The following PCDHGB4 variants were observed in gnomAD, a reference collection of about 807,000 sequenced individuals.
The protein encoded by PCDHGB4 is protocadherin gamma-B4.
Under a neutral mutation model 60.5 loss-of-function variants are expected in PCDHGB4, and 38 were observed. The ratio of observed to expected loss-of-function variants is 0.63; its 90% CI spans 0.48 to 0.82. The LOEUF is 0.82. PCDHGB4 is among the 40% of genes least tolerant of loss of function. PCDHGB4 has a pLI of 0.00. For synonymous variants in PCDHGB4, 456 were observed against 509.7 expected (o/e 0.89, Z 1.42); for missense variants, 1,109 against 1,209.6 (o/e 0.92, Z 1.23).
chr5:141,487,068 T>C lies in PCDHGB4; in HGVS notation c.2398-7739T>C. ...TATGCTGGGGAGGTGCGGACGGCTG[T>C]TCCTATCCCAGCTGACCTCCCACCA... On this transcript the variant is annotated intron_variant, in intron 1 of 3. Transcript: ENST00000519479. The surrounding 1 kb of genome is among the most constrained non-coding windows in gnomAD (Gnocchi z 5.0). The C allele has an allele frequency of 6.2e-7, 1 of 1,614,166 alleles. No individual in the cohort carries two copies. The highest frequency in any genetic ancestry group is 8.5e-7 in the Non-Finnish European group (1 of 1,180,016).
chr5:141,472,998 G>GAA (rs2099311030), intron 1 of PCDHGB4, among the ~76,000 whole-genome samples: 1 of 134,744 alleles, frequency 7.4e-6, no homozygotes, highest in Non-Finnish European at 1.6e-5. Flanking sequence ...AAAAAAAAAA[G>GAA]AAAGAAAAAG....
chr5:141,496,621 CA>C (rs2099769988), intron 2 of PCDHGB4, among the ~76,000 whole-genome samples: 1 of 152,332 alleles, frequency 6.6e-6, no homozygotes, highest in Non-Finnish European at 1.5e-5. Flanking sequence ...AGCAGCAGAT[CA>C]AAAGGCTTGG....
In PCDHGB4 at chr5:141,477,625, C is replaced by T; in HGVS notation, c.2398-17182C>T. ...TTCTCTTGGAGCAAGGAGCTGAAACCGGGCTAGTGGGTCGCTATTTCACAA... is the reference window on the plus strand; with the variant it reads ...TTCTCTTGGAGCAAGGAGCTGAAACTGGGCTAGTGGGTCGCTATTTCACAA... On this transcript the variant is annotated intron_variant, in intron 1 of 3. Coordinates refer to ENST00000519479, the MANE Select transcript of PCDHGB4 (RefSeq NM_003736.4). This position sits in a 1 kb window ranked among gnomAD's most constrained non-coding sequence, Gnocchi z 4.9. The T allele has an allele frequency of 1.2e-6, 2 of 1,614,200 alleles. No homozygotes were observed. Among genetic ancestry groups the T allele is most frequent in the Non-Finnish European group, 1.7e-6 (2 of 1,180,046 alleles).
At position 141,432,207 on chromosome 5, in the gene PCDHGB4, A is replaced by G. The variant is rs1181424938; in HGVS notation, c.2397+41926A>G. 3 of 1,614,176 alleles carry G rather than the reference A, an allele frequency of 1.9e-6. No homozygotes were observed. The highest frequency in any genetic ancestry group is 2.5e-6 in the Non-Finnish European group (3 of 1,180,026). ...ACCGCCCACGACCCCGACTGTGAAG[A>G]GAACGCCCAGATCACTTATTCCCTG... On this transcript the variant is annotated intron_variant, in intron 1 of 3. Transcript: ENST00000519479. The surrounding 1 kb of genome is among the most constrained non-coding windows in gnomAD (Gnocchi z 6.0).
Position 141,487,424 on chromosome 5 carries a change from C to T in PCDHGB4, c.2398-7383C>T, listed in dbSNP as rs759893122. 5 of 1,613,982 alleles carry T rather than the reference C, an allele frequency of 3.1e-6. No individual in the cohort carries two copies. The highest frequency in any genetic ancestry group is 1.7e-5 in the Admixed American group (1 of 60,000). On this transcript the variant is annotated intron_variant, in intron 1 of 3. Transcript: ENST00000519479. The surrounding 1 kb of genome is among the most constrained non-coding windows in gnomAD (Gnocchi z 5.0). ...GCTTCCCCCTTCCAATGGGATCCTC[C>T]GAATCCAGCTAGGGTCAGATGACCC...
chr5:141,395,218 A>G, intron 1 of PCDHGB4: 2 of 1,612,142 alleles, frequency 1.2e-6, no homozygotes, highest in Non-Finnish European at 1.7e-6. Flanking sequence ...GAATATAAGA[A>G]TGAAGCTGAT....
chr5:141,490,045 C>T lies in PCDHGB4; in HGVS notation c.2398-4762C>T, dbSNP rs530803072. On this transcript the variant is annotated intron_variant, in intron 1 of 3. Transcript: ENST00000519479. The surrounding 1 kb of genome is among the most constrained non-coding windows in gnomAD (Gnocchi z 5.4). ...GCTGCTCCGCCTCAATGCCACTGAT[C>T]CAGACGAGGGCACCAACGGCCAACT... 1.2e-5 allele frequency: 19 copies of T among 1,614,114 alleles called. No individual in the cohort carries two copies. Among genetic ancestry groups the T allele is most frequent in the Admixed American group, 1.2e-4 (7 of 60,014 alleles).
At chr5:141,445,855 T>C (rs1432695384) in intron 1 of PCDHGB4, among the ~76,000 whole-genome samples, 1 of 152,222 alleles carries the variant, frequency 6.6e-6, no homozygotes, top group Non-Finnish European at 1.5e-5. Flanking sequence ...CTTAAAATTC[T>C]GGATTTTGTT....
intron 1 of PCDHGB4, chr5:141,419,783 C>A: frequency 1.2e-6 from 2 of 1,614,070 alleles, no homozygotes; most frequent in Non-Finnish European, 1.7e-6. Context: ...CCGCCAGCGC[C>A]TGCTAGTCGC....
Position 141,389,355 on chromosome 5 carries a change from G to A in PCDHGB4, c.1471G>A (p.Ala491Thr). 3 of 1,613,950 alleles carry A rather than the reference G, an allele frequency of 1.9e-6. No homozygotes were observed. The highest frequency in any genetic ancestry group is 1.7e-6 in the Non-Finnish European group (2 of 1,179,910). The change falls in exon 1 of 4, where the codon GCC becomes ACC. Residue 491 changes from alanine (A) to threonine (T), a missense_variant. By Grantham distance (58) the Ala-to-Thr change is moderately conservative. Transcript: ENST00000519479. ...CGGCCAAGTCTCTTACTGCATCATG[G>A]CCAGTGACCTGGAGCAGCGGGAGCT... ...PNGQVSYCIM[A>T]SDLEQRELSS... is the part of the protein sequence containing the mutation.
intron 2 of PCDHGB4, among the ~76,000 whole-genome samples, chr5:141,495,119 C>T (rs1024197360): frequency 3.9e-5 from 6 of 152,182 alleles, no homozygotes; most frequent in African/African-American, 1.4e-4. Context: ...CTTTTCCTAT[C>T]CCCTGAGGGC....
Position 141,478,335 on chromosome 5 carries a change from C to T in PCDHGB4, c.2398-16472C>T, listed in dbSNP as rs202213361. On this transcript the variant is annotated intron_variant, in intron 1 of 3. Coordinates refer to ENST00000519479, the MANE Select transcript of PCDHGB4 (RefSeq NM_003736.4). ...AGCTCACTGTACCGAACACCAGGGC[C>T]CTCCTTGCACGCGGACGCCGTGCGG... 4.7e-5 allele frequency: 76 copies of T among 1,613,822 alleles called. No individual in the cohort carries two copies. The highest frequency in any genetic ancestry group is 6.1e-5 in the Non-Finnish European group (72 of 1,180,028).
In PCDHGB4 at chr5:141,491,961, G is replaced by A. The variant is rs891299192; in HGVS notation, c.2398-2846G>A. 3 of 970,010 alleles carry A rather than the reference G, an allele frequency of 3.1e-6. No individual in the cohort carries two copies. The highest frequency in any genetic ancestry group is 4.3e-6 in the Non-Finnish European group (3 of 693,098). 60.1% of individuals were successfully genotyped at this position (970,010 alleles called of 1,614,324 possible). On this transcript the variant is annotated intron_variant, in intron 1 of 3. Transcript: ENST00000519479. This position sits in a 1 kb window ranked among gnomAD's most constrained non-coding sequence, Gnocchi z 6.9. ...GACCCCCACCCCTACACTCAAAAAAGGCCGGGGCCTCCTTCGAGCTTCCGG... is the reference window on the plus strand; with the variant it reads ...GACCCCCACCCCTACACTCAAAAAAAGCCGGGGCCTCCTTCGAGCTTCCGG...
intron 1 of PCDHGB4, among the ~76,000 whole-genome samples, chr5:141,479,041 C>T (rs1346986831): frequency 1.2e-4 from 18 of 152,100 alleles, no homozygotes; most frequent in Admixed American, 1.2e-3. Flanking sequence ...AGATCGTGTA[C>T]CTCATTCTCA....
rs372676262 is a variant in PCDHGB4 at position 141,404,832 on chromosome 5, G to A, written c.2397+14551G>A. On this transcript the variant is annotated intron_variant, in intron 1 of 3. Coordinates refer to ENST00000519479, the MANE Select transcript of PCDHGB4 (RefSeq NM_003736.4). ...GTGGGGCTGCACACAGGTGAAGTGCGCACAGCTCGGGCCCTGCTAGATAGA... is the reference window on the plus strand; with the variant it reads ...GTGGGGCTGCACACAGGTGAAGTGCACACAGCTCGGGCCCTGCTAGATAGA... 34 of 1,613,864 alleles carry A rather than the reference G, an allele frequency of 2.1e-5. No individual in the cohort carries two copies. Among genetic ancestry groups the A allele is most frequent in the Middle Eastern group, 1.6e-4 (1 of 6,062 alleles).
chr5:141,414,578 A>G, intron 1 of PCDHGB4: 1 of 1,613,960 alleles, frequency 6.2e-7, no homozygotes, highest in Non-Finnish European at 8.5e-7. Context: ...ATCCCAGAGA[A>G]CAACGCCAGG....
At chr5:141,418,147 C>T (rs781655205) in intron 1 of PCDHGB4, 3 of 1,614,040 alleles carry the variant, frequency 1.9e-6, no homozygotes, top group Admixed American at 3.3e-5. Flanking sequence ...AGCAAATATG[C>T]AAAGAGAGAA....
At chr5:141,502,767 C>T (rs970206343) in intron 2 of PCDHGB4, among the ~76,000 whole-genome samples, 1 of 151,756 alleles carries the variant, frequency 6.6e-6, no homozygotes, top group East Asian at 1.9e-4. Flanking sequence ...TGCTGGTATT[C>T]TTCTGAAAAT....
At chr5:141,407,415 A>C (rs1561707597) in intron 1 of PCDHGB4, among the ~76,000 whole-genome samples, 1 of 152,228 alleles carries the variant, frequency 6.6e-6, no homozygotes, top group Non-Finnish European at 1.5e-5. Flanking sequence ...TCGATACCAC[A>C]AAAATGTCTC....
Sources: gnomAD v4.1 joint callset for allele counts (sites outside exome capture counted in the v4.1 genomes callset) on GRCh38, gnomAD v4.1.1 for gene constraint, Gnocchi (gnomAD v3.1) non-coding constraint, MANE v1.5 for transcripts, NCBI Gene and HGNC (gene_info 2026-07-23, HGNC 2026-07-21) for gene names.